The following ABCB1 variants were observed in gnomAD, a reference collection of about 807,000 sequenced individuals.
The protein encoded by ABCB1 is ATP binding cassette subfamily B member 1.
Under a neutral mutation model 142.0 loss-of-function variants are expected in ABCB1, and 69 were observed. The observed-to-expected ratio is 0.49, with a 90% CI of 0.40 to 0.59. The LOEUF (loss-of-function observed/expected upper bound fraction) is 0.59. ABCB1 is among the 20% of genes least tolerant of loss of function. The probability of loss-of-function intolerance (pLI) is 0.00; values close to 1 mark genes in which losing one functional copy is unlikely to be tolerated. For synonymous variants in ABCB1, 532 were observed against 539.2 expected (o/e 0.99, Z 0.18); for missense variants, 1,326 against 1,554.7 (o/e 0.85, Z 2.47).
At chr7:87,656,067 A>G (rs1273394244) in intron 1 of ABCB1, among the ~76,000 whole-genome samples, 3 of 152,086 alleles carry the variant, frequency 2.0e-5, no homozygotes, top group Non-Finnish European at 2.9e-5. Context: ...CTCTAGAACT[A>G]TGAGAAATAA....
At chr7:87,504,517 C>T in intron 27 of ABCB1, 68 bp from the exon 28 acceptor site, 3 of 1,588,022 alleles carry the variant, frequency 1.9e-6, no homozygotes, top group South Asian at 2.3e-5. Context: ...CCATAAAAAG[C>T]TCCACAGTAG....
At chr7:87,597,390 G>A (rs921502493) in intron 2 of ABCB1, among the ~76,000 whole-genome samples, 3 of 151,874 alleles carry the variant, frequency 2.0e-5, no homozygotes, top group Non-Finnish European at 4.4e-5. Flanking sequence ...AAAGCCATAT[G>A]CTTCTTTACA....
At position 87,566,193 on chromosome 7, in the gene ABCB1, G is replaced by T. The variant is rs770008344; in HGVS notation, c.579C>A (p.Phe193Leu). Residue 193 changes from phenylalanine to leucine, a missense_variant, in exon 7 of 28, where the codon TTC (phenylalanine) becomes TTA (leucine). By Grantham distance (22) the Phe-to-Leu change is conservative (BLOSUM62 0). Coordinates refer to ENST00000622132, the MANE Select transcript of ABCB1 (RefSeq NM_001348946.2). ...NEGIGDKIGM[F>L]FQSMATFFTG... is the part of the protein sequence containing the mutation. ...TGAAAAATGTTGCCATTGACTGAAA[G>T]AACATTCCAATTTTGTCACCAATTC... The T allele has an allele frequency of 1.2e-6, 2 of 1,614,008 alleles. No homozygotes were observed. Among genetic ancestry groups the T allele is most frequent in the African/African-American group, 2.7e-5 (2 of 74,904 alleles).
chr7:87,709,288 A>G (rs1322563347), intron 1 of ABCB1: 15 of 985,188 alleles, frequency 1.5e-5, no homozygotes, highest in African/African-American at 1.7e-5. Context: ...TCTTGACTTC[A>G]TTGGTGAAAT....
At chr7:87,530,306 A>G (rs1287629312) in intron 21 of ABCB1, among the ~76,000 whole-genome samples, 4 of 152,184 alleles carry the variant, frequency 2.6e-5, no homozygotes, top group African/African-American at 2.4e-5. Flanking sequence ...ATCATGTGAT[A>G]TCAGACTGCA....
At chr7:87,615,320 T>A (rs1819998997) in intron 1 of ABCB1, among the ~76,000 whole-genome samples, 1 of 152,170 alleles carries the variant, frequency 6.6e-6, no homozygotes, top group Non-Finnish European at 1.5e-5. Context: ...TTTAGTCCAC[T>A]GAGAGTTAAC....
In ABCB1 at chr7:87,550,172, A is replaced by C. The variant is rs201987648; in HGVS notation, c.1349T>G (p.Met450Arg). Residue 450 changes from methionine to arginine, a missense_variant and splice_region_variant, in exon 12 of 28, where the codon ATG becomes AGG. Met to Arg is a moderately conservative substitution (Grantham distance 91, BLOSUM62 -1). Coordinates refer to ENST00000622132, the MANE Select transcript of ABCB1 (RefSeq NM_001348946.2). ...TCTAGCTCGCATGGGTCATCTCACC[A>C]TCCCCTCTGTGGGGTCATAGAGCCT... ...MQRLYDPTEG[M>R]VSVDGQDIRT... 6.2e-7 allele frequency: 1 copy of C among 1,614,188 alleles called. No homozygotes were observed. Among genetic ancestry groups the C allele is most frequent in the African/African-American group, 1.3e-5 (1 of 75,050 alleles).
At chr7:87,608,969 T>C (rs1318572884) in intron 1 of ABCB1, among the ~76,000 whole-genome samples, 4 of 152,246 alleles carry the variant, frequency 2.6e-5, no homozygotes, top group African/African-American at 9.6e-5. Context: ...TCAAGTACCC[T>C]GTATATGTCA....
At chr7:87,518,419 C>A (rs1254210824) in intron 23 of ABCB1, among the ~76,000 whole-genome samples, 1 of 152,110 alleles carries the variant, frequency 6.6e-6, no homozygotes, top group Non-Finnish European at 1.5e-5. Flanking sequence ...AGCCCCAATG[C>A]CAGTGATACT....
At chr7:87,651,211 C>T (rs1236181869) in intron 1 of ABCB1, among the ~76,000 whole-genome samples, 4 of 151,994 alleles carry the variant, frequency 2.6e-5, no homozygotes, top group Non-Finnish European at 4.4e-5. Context: ...TGAAAGGAAG[C>T]GCATCCCAAA....
intron 1 of ABCB1, among the ~76,000 whole-genome samples, chr7:87,688,099 A>G (rs1827651843): frequency 6.6e-6 from 1 of 152,252 alleles, no homozygotes; most frequent in East Asian, 1.9e-4. Context: ...CTTTTAGACA[A>G]TGGGAGAGGC....
chr7:87,506,167 G>C, intron 26 of ABCB1, 124 bp from the exon 27 acceptor site: 1 of 949,126 alleles, frequency 1.1e-6, no homozygotes, highest in Non-Finnish European at 1.6e-6. Context: ...GCTAAGAATG[G>C]TTCATGAATA....
At chr7:87,516,728 C>A in intron 23 of ABCB1, 63 bp from the exon 24 acceptor site, 288 of 1,029,808 alleles carry the variant, frequency 2.8e-4, no homozygotes, top group Non-Finnish European at 3.6e-4. Context: ...AAAGCTGACA[C>A]TCCTTTTTTT....
At chr7:87,644,281 T>G (rs1822760082) in intron 1 of ABCB1, among the ~76,000 whole-genome samples, 1 of 152,254 alleles carries the variant, frequency 6.6e-6, no homozygotes, top group Non-Finnish European at 1.5e-5. Flanking sequence ...TAGTCACTGC[T>G]TATATTATGT....
chr7:87,639,081 G>A (rs1047225013), intron 1 of ABCB1, among the ~76,000 whole-genome samples: 1 of 151,518 alleles, frequency 6.6e-6, no homozygotes, highest in Admixed American at 6.6e-5. Flanking sequence ...AAACCCCGGA[G>A]GCGGAGCTTG....
At chr7:87,504,997 C>T (rs1252159471) in intron 27 of ABCB1, among the ~76,000 whole-genome samples, 2 of 152,020 alleles carry the variant, frequency 1.3e-5, no homozygotes, top group African/African-American at 2.4e-5. Flanking sequence ...CAGGGCCTCA[C>T]TCTGTCACCA....
chr7:87,521,788 G>T, intron 21 of ABCB1: 1 of 797,196 alleles, frequency 1.3e-6, no homozygotes, highest in Non-Finnish European at 2.2e-6. Context: ...AAAGATATTT[G>T]TTGGTGGCAT....
At chr7:87,576,614 C>T (rs1379531667) in intron 4 of ABCB1, among the ~76,000 whole-genome samples, 1 of 151,742 alleles carries the variant, frequency 6.6e-6, no homozygotes, top group African/African-American at 2.4e-5. Context: ...CAGTTGAGTT[C>T]TTCCTCAAGG....
chr7:87,675,653 C>CAAAAAAAAAA (rs200136132), intron 1 of ABCB1, among the ~76,000 whole-genome samples: 2 of 65,852 alleles, frequency 3.0e-5, no homozygotes, highest in African/African-American at 5.8e-5. Context: ...TATTCACATG[C>CAAAAAAAAAA]AAAAAAAAAA....
Sources: allele counts gnomAD v4.1 joint callset (sites outside exome capture counted in the v4.1 genomes callset), GRCh38; gene constraint gnomAD v4.1.1; transcripts MANE v1.5; gene names NCBI Gene and HGNC (gene_info 2026-07-23, HGNC 2026-07-21).